PTPRG: variants seen among roughly 807,000 people sequenced by gnomAD.
PTPRG encodes the protein receptor-type tyrosine-protein phosphatase gamma.
In PTPRG, 102 loss-of-function variants were observed where a neutral mutation model predicts 165.3. The ratio of observed to expected loss-of-function variants is 0.62; its 90% CI spans 0.53 to 0.73. The LOEUF (loss-of-function observed/expected upper bound fraction) is 0.73, where lower values mean the gene tolerates loss of function less well. Ranked by LOEUF, PTPRG falls within the 30% of genes least tolerant of loss-of-function variation. PTPRG has a pLI of 0.00. For synonymous variants in PTPRG, 675 were observed against 669.5 expected (o/e 1.01, Z -0.13); for missense variants, 1,866 against 1,861.4 (o/e 1.00, Z -0.05).
chr3:61,907,744 T>A (rs993231081), intron 2 of PTPRG, among the ~76,000 whole-genome samples: 1 of 152,162 alleles, frequency 6.6e-6, no homozygotes, highest in African/African-American at 2.4e-5. Context: ...GTGGGACTTC[T>A]TTCTCAATTG....
chr3:61,976,168 G>C (rs1360177731), intron 2 of PTPRG, among the ~76,000 whole-genome samples: 4 of 152,168 alleles, frequency 2.6e-5, no homozygotes, highest in Non-Finnish European at 5.9e-5. Context: ...TCTCAGAGTT[G>C]ACATGGAGAA....
At chr3:61,607,051 T>C (rs1701030811) in intron 1 of PTPRG, among the ~76,000 whole-genome samples, 1 of 152,178 alleles carries the variant, frequency 6.6e-6, no homozygotes. Flanking sequence ...AGCATTGTCT[T>C]AGGAAAGAGG....
chr3:61,832,435 G>C (rs1405341701), intron 2 of PTPRG, among the ~76,000 whole-genome samples: 1 of 152,142 alleles, frequency 6.6e-6, no homozygotes, highest in Non-Finnish European at 1.5e-5. Context: ...ATAGAGAGTG[G>C]GTAAGCATCT....
chr3:61,620,622 A>G (rs1473019965), intron 1 of PTPRG, among the ~76,000 whole-genome samples: 1 of 151,898 alleles, frequency 6.6e-6, no homozygotes, highest in African/African-American at 2.4e-5. Context: ...TAAAGTTAAC[A>G]GTTACTTTTT....
At chr3:61,883,253 C>T (rs2037938016) in intron 2 of PTPRG, among the ~76,000 whole-genome samples, 1 of 152,174 alleles carries the variant, frequency 6.6e-6, no homozygotes, top group Non-Finnish European at 1.5e-5. Flanking sequence ...GCACTGTCTT[C>T]TGACCAAACC....
rs201734186 is a variant in PTPRG, at chr3:62,003,445, A to G, written c.467A>G (p.Asn156Ser). The G allele has an allele frequency of 2.4e-5, 39 of 1,614,022 alleles. No homozygotes were observed. The highest frequency in any genetic ancestry group is 2.3e-4 in the Admixed American group (14 of 60,018). Reference protein sequence around the residue: ...EKVEFHWGHSNGSAGSEHSIN... With the variant: ...EKVEFHWGHSSGSAGSEHSIN... ...GTGGAATTTCACTGGGGCCACAGCA[A>G]TGGCTCAGCGGGCTCTGAACACAGC... The change falls in exon 4 of 30, where the codon AAT becomes AGT. Residue 156 changes from asparagine (N) to serine (S), a missense_variant. Coordinates refer to ENST00000474889, the MANE Select transcript of PTPRG (RefSeq NM_002841.4).
intron 2 of PTPRG, among the ~76,000 whole-genome samples, chr3:61,918,928 T>C (rs1426422776): frequency 1.3e-5 from 2 of 152,222 alleles, no homozygotes; most frequent in Non-Finnish European, 2.9e-5. Flanking sequence ...AATACTCCTT[T>C]ATCCCTTTGT....
intron 2 of PTPRG, among the ~76,000 whole-genome samples, chr3:61,893,852 A>G (rs1341906129): frequency 2.0e-5 from 3 of 152,210 alleles, no homozygotes; most frequent in Non-Finnish European, 4.4e-5. Context: ...TAAAGGATGT[A>G]TCTTTCAAAC....
At chr3:62,026,868 C>A (rs575932926) in intron 4 of PTPRG, among the ~76,000 whole-genome samples, 23 of 49,128 alleles carry the variant, frequency 4.7e-4, no homozygotes, top group Admixed American at 3.1e-3. Flanking sequence ...CCTGGGAAAC[C>A]GAGTGAGAAT....
intron 2 of PTPRG, among the ~76,000 whole-genome samples, chr3:61,977,246 C>CAACTAGAGGCAGTGTCACCCCTGTTGAG (rs2040532824): frequency 6.6e-6 from 1 of 151,312 alleles, no homozygotes; most frequent in Non-Finnish European, 1.5e-5. Flanking sequence ...CAAGACCACC[C>CAACTAGAGGCAGTGTCACCCCTGTTGAG]AACTAGAGGC....
At chr3:62,062,087 G>T (rs1307934213) in intron 4 of PTPRG, among the ~76,000 whole-genome samples, 1 of 151,898 alleles carries the variant, frequency 6.6e-6, no homozygotes, top group African/African-American at 2.4e-5. Context: ...ATCACCTGAG[G>T]TTGGGAGTTC....
intron 2 of PTPRG, among the ~76,000 whole-genome samples, chr3:61,861,652 A>G (rs923719368): frequency 6.6e-6 from 1 of 152,204 alleles, no homozygotes; most frequent in African/African-American, 2.4e-5. Flanking sequence ...AGTTTTCACA[A>G]GCCTGATAGG....
chr3:62,264,110 T>TC (rs1701786066), intron 17 of PTPRG: 1 of 150,136 alleles, frequency 6.7e-6, no homozygotes, highest in African/African-American at 2.5e-5. Context: ...CACGCCACTG[T>TC]ACTCCATCCT....
chr3:61,749,386 C>G, intron 2 of PTPRG: 1 of 313,980 alleles, frequency 3.2e-6, no homozygotes, highest in Middle Eastern at 1.2e-3. Context: ...TCAGAATGCT[C>G]TATTAGGCTC....
intron 1 of PTPRG, among the ~76,000 whole-genome samples, chr3:61,698,962 T>C (rs1211320982): frequency 2.0e-5 from 3 of 151,870 alleles, no homozygotes; most frequent in South Asian, 2.1e-4. Context: ...AGGTGGGAAA[T>C]TGAACAATGA....
chr3:61,831,010 G>T (rs2036274616), intron 2 of PTPRG, among the ~76,000 whole-genome samples: 1 of 152,168 alleles, frequency 6.6e-6, no homozygotes, highest in Admixed American at 6.5e-5. Context: ...CAGACATCTG[G>T]GTTCAGCCTT....
Position 62,040,555 on chromosome 3 carries a change from G to A in PTPRG, c.519+37058G>A, listed in dbSNP as rs112725664. ...TACAGCCTCCACCTCCAGGGTTCAA[G>A]CGATTCTCCTGCCTCAGCCTCCCAC... On this transcript the variant is annotated intron_variant, in intron 4 of 29. Transcript: ENST00000474889. Among the ~76,000 whole-genome samples the A allele has an allele frequency of 7.1e-3, 1,085 of 152,330 alleles. 16 individuals carry two copies. Among genetic ancestry groups the A allele is most frequent in the African/African-American group, 0.024 (990 of 41,558 alleles).
intron 5 of PTPRG, among the ~76,000 whole-genome samples, chr3:62,111,926 A>T (rs1360712258): frequency 6.6e-6 from 1 of 152,122 alleles, no homozygotes; most frequent in Non-Finnish European, 1.5e-5. Context: ...AGGACTTAAA[A>T]AATTTTGTTT....
At chr3:62,115,686 G>A (rs1478606763) in intron 5 of PTPRG, among the ~76,000 whole-genome samples, 1 of 151,488 alleles carries the variant, frequency 6.6e-6, no homozygotes, top group Non-Finnish European at 1.5e-5. Context: ...CATCCAGGCT[G>A]GAGTACAGTG....
Sources: gnomAD v4.1 joint callset for allele counts (sites outside exome capture counted in the v4.1 genomes callset) on GRCh38, gnomAD v4.1.1 for gene constraint, MANE v1.5 for transcripts, NCBI Gene and HGNC (gene_info 2026-07-23, HGNC 2026-07-21) for gene names.